The following NVL variants were observed in gnomAD, a reference collection of about 807,000 sequenced individuals.
NVL encodes the protein nuclear valosin-containing protein-like.
NVL carries 84 observed loss-of-function variants against 110.2 expected under a neutral mutation model. The ratio of observed to expected loss-of-function variants is 0.76; its 90% CI spans 0.64 to 0.91. The LOEUF is 0.91. Among genes scored for constraint, NVL ranks in the 40% least tolerant of loss-of-function variants. The probability of loss-of-function intolerance (pLI) is 0.00; values close to 1 mark genes in which losing one functional copy is unlikely to be tolerated. For missense variants in NVL, 882 were observed against 1,035.9 expected, an observed-to-expected ratio of 0.85 and a Z score of 2.04; for synonymous variants, 354 against 361.1, an observed-to-expected ratio of 0.98 and a Z score of 0.22.
In NVL at chr1:224,300,368, G is replaced by A. The variant is rs143240768; in HGVS notation, c.1062+194C>T. ...TTATGTTTGATTTCAAATGAAAAGG[G>A]TTATTTATCCAACAGCTGGTATCAC... On this transcript the variant is annotated intron_variant, in intron 10 of 22. Transcript: ENST00000281701. 9.5e-3 allele frequency among the ~76,000 whole-genome samples: 1,449 copies of A among 152,268 alleles called. 84 individuals carry two copies. Among genetic ancestry groups the A allele is most frequent in the Admixed American group, 0.088 (1,339 of 15,284 alleles).
chr1:224,328,390 T>C (rs989646808), intron 1 of NVL, among the ~76,000 whole-genome samples: 4 of 150,918 alleles, frequency 2.7e-5, no homozygotes, highest in African/African-American at 9.8e-5. Flanking sequence ...CGTGATGGCA[T>C]GCACTTGTAA....
intron 14 of NVL, 117 bp from the exon 15 acceptor site, chr1:224,286,247 C>T (rs1378503101): frequency 9.4e-6 from 7 of 740,780 alleles, no homozygotes; most frequent in Admixed American, 2.6e-5. Flanking sequence ...CCCTCTGTCA[C>T]CCAGCTAGAG....
In NVL at chr1:224,281,210, C is replaced by G. The variant is rs201022556; in HGVS notation, c.1900-25G>C. 3 of 1,564,242 alleles carry G rather than the reference C, an allele frequency of 1.9e-6. No homozygotes were observed. The African/African-American group carries it at 4.1e-5, about 21-fold the overall frequency. On this transcript the variant is annotated intron_variant, in intron 15 of 22. Transcript: ENST00000281701. ...CCTAGCAAGAGGAAACAAAAAGACA[C>G]AAATAAGACCAATACACAGTAATAA...
intron 15 of NVL, among the ~76,000 whole-genome samples, chr1:224,285,524 T>C (rs780678394): frequency 6.6e-6 from 1 of 152,202 alleles, no homozygotes; most frequent in Non-Finnish European, 1.5e-5. Flanking sequence ...TATGTATGCA[T>C]AGAAAAATAT....
chr1:224,311,373 T>C (rs1669505079), intron 5 of NVL, among the ~76,000 whole-genome samples: 1 of 151,790 alleles, frequency 6.6e-6, no homozygotes, highest in Non-Finnish European at 1.5e-5. Flanking sequence ...ATTTTTTTTT[T>C]TAAAAGGTAG....
At chr1:224,257,093 A>G (rs1239682799) in intron 18 of NVL, 1 of 532,834 alleles carries the variant, frequency 1.9e-6, no homozygotes, top group Non-Finnish European at 3.9e-6. Context: ...AAATCTGGGA[A>G]GAGAAAGCCT....
chr1:224,303,682 A>G (rs774680788), intron 9 of NVL, 41 bp downstream of exon 9: 13 of 1,590,730 alleles, frequency 8.2e-6, no homozygotes, highest in Non-Finnish European at 1.0e-5. Flanking sequence ...AAATAATAAC[A>G]ACAAAAACAG....
Position 224,237,878 on chromosome 1 carries a change from C to T in NVL, c.2290-1296G>A, listed in dbSNP as rs140823848. Among the ~76,000 whole-genome samples, 240 of 149,200 alleles carry T rather than the reference C, an allele frequency of 1.6e-3. 1 individual carries two copies. The highest frequency in any genetic ancestry group is 4.8e-3 in the African/African-American group (193 of 39,858). On this transcript the variant is annotated intron_variant, in intron 19 of 22. Coordinates refer to ENST00000281701, the MANE Select transcript of NVL (RefSeq NM_002533.4). The stretch of plus-strand genomic sequence containing the variant: ...CTGAGGCAGGAGAATCACTGGAACC[C>T]GGGAGGTGGAGGCTGTAGTAAGCCA...
chr1:224,257,199 G>C (rs2897055), intron 18 of NVL: 480,320 of 480,342 alleles, frequency 1, 240,149 homozygotes, highest in Middle Eastern at 1. Context: ...AAGAGAAAGT[G>C]CATTCACTCA....
chr1:224,315,198 C>A (rs1669953035), intron 4 of NVL, among the ~76,000 whole-genome samples: 1 of 152,038 alleles, frequency 6.6e-6, no homozygotes, highest in South Asian at 2.1e-4. Context: ...TGGGATAGAA[C>A]CATGCACCAC....
intron 19 of NVL, among the ~76,000 whole-genome samples, chr1:224,238,207 A>AT (rs1295130726): frequency 2.4e-4 from 37 of 151,668 alleles, no homozygotes; most frequent in South Asian, 6.2e-4. Context: ...TAATTTTTGT[A>AT]TTTTTTGTAG....
In NVL at chr1:224,300,561, C is replaced by T; in HGVS notation, c.1062+1G>A. 1 of 1,612,314 alleles carries T rather than the reference C, an allele frequency of 6.2e-7. No individual in the cohort carries two copies. Among genetic ancestry groups the T allele is most frequent in the Non-Finnish European group, 8.5e-7 (1 of 1,178,602 alleles). ...CTGGCATTAGTCATTAACTGACTCACCACAGCTTGCTCAAATAGTTCTCTC... is the reference window on the plus strand; with the variant it reads ...CTGGCATTAGTCATTAACTGACTCATCACAGCTTGCTCAAATAGTTCTCTC... On this transcript the variant is annotated splice_donor_variant, in intron 10 of 22. Transcript: ENST00000281701. LOFTEE classifies it high-confidence loss of function.
chr1:224,317,767 C>T lies in NVL; in HGVS notation c.211G>A (p.Glu71Lys), dbSNP rs772289099. The T allele has an allele frequency of 1.1e-5, 17 of 1,606,434 alleles. No homozygotes were observed. Among genetic ancestry groups the T allele is most frequent in the Non-Finnish European group, 1.4e-5 (17 of 1,173,632 alleles). ...KVFSIISSEK[E>K]LKNLTELEDE... Reference sequence around the variant, plus strand: ...TCTAATTCTGTTAAATTCTTAAGTTCCTTCTCACTACTAATTATGCTAAAT... The same window carrying T: ...TCTAATTCTGTTAAATTCTTAAGTTTCTTCTCACTACTAATTATGCTAAAT... Residue 71 changes from glutamate (E) to lysine (K), a missense_variant, in exon 4 of 23, where the codon GAA (glutamate) becomes AAA (lysine). Around this residue, in one of 4 missense-constraint regions of NVL, gnomAD observed 274 missense variants for 268.4 expected, o/e 1.02. Transcript: ENST00000281701.
chr1:224,329,027 AC>A (rs1374525493), intron 1 of NVL, among the ~76,000 whole-genome samples: 26 of 151,908 alleles, frequency 1.7e-4, no homozygotes, highest in Non-Finnish European at 1.2e-4. Flanking sequence ...ACATAGTGGA[AC>A]CCCGTCTCTA....
chr1:224,316,967 G>A (rs571499706), intron 4 of NVL, among the ~76,000 whole-genome samples: 4 of 151,794 alleles, frequency 2.6e-5, no homozygotes, highest in East Asian at 1.9e-4. Context: ...GTGAAACCCC[G>A]TCTCTACCAA....
chr1:224,314,443 A>T (rs1182087419), intron 4 of NVL, among the ~76,000 whole-genome samples: 1 of 152,256 alleles, frequency 6.6e-6, no homozygotes, highest in African/African-American at 2.4e-5. Context: ...TTGCAGAAGC[A>T]TTATGCCACC....
intron 14 of NVL, among the ~76,000 whole-genome samples, chr1:224,286,882 A>G (rs537925317): frequency 7.9e-5 from 12 of 152,306 alleles, no homozygotes; most frequent in African/African-American, 2.6e-4. Flanking sequence ...GATGAGTAGA[A>G]AAGTAAAGTA....
At chr1:224,326,332 CTT>C in intron 2 of NVL, 57 bp downstream of exon 2, 1 of 1,296,570 alleles carries the variant, frequency 7.7e-7, no homozygotes, top group Non-Finnish European at 1.1e-6. Flanking sequence ...AGGATATAAA[CTT>C]TTAAAATGGT....
At chr1:224,272,257 A>T (rs538742699) in intron 17 of NVL, among the ~76,000 whole-genome samples, 1 of 151,592 alleles carries the variant, frequency 6.6e-6, no homozygotes, top group Non-Finnish European at 1.5e-5. Context: ...AGGCACAAGA[A>T]TCGCTTGAAC....
Sources: allele counts gnomAD v4.1 joint callset (sites outside exome capture counted in the v4.1 genomes callset), GRCh38; gene constraint gnomAD v4.1.1; regional missense constraint gnomAD v4.1.1; transcripts MANE v1.5; gene names NCBI Gene and HGNC (gene_info 2026-07-23, HGNC 2026-07-21).